RAB8B: variants seen among roughly 807,000 people sequenced by gnomAD.
The protein encoded by RAB8B is RAB8B, member RAS oncogene family, also known as ras-related protein Rab-8B.
In RAB8B, 11 loss-of-function variants were observed where a neutral mutation model predicts 32.0. That is an observed-to-expected ratio of 0.34 (90% CI 0.22 to 0.57). The LOEUF is 0.57. Ranked by LOEUF, RAB8B falls within the 20% of genes least tolerant of loss-of-function variation. RAB8B has a pLI of 0.86. For synonymous variants in RAB8B, 103 were observed against 89.6 expected, an observed-to-expected ratio of 1.15 and a Z score of -0.85; for missense variants, 190 against 258.5, an observed-to-expected ratio of 0.73 and a Z score of 1.82.
chr15:63,227,345 G>T (rs1404707729), intron 1 of RAB8B, among the ~76,000 whole-genome samples: 1 of 152,136 alleles, frequency 6.6e-6, no homozygotes, highest in African/African-American at 2.4e-5. Context: ...CAGAAATCCT[G>T]CCCCAGGCTT....
Position 63,202,911 on chromosome 15 carries a change from C to T in RAB8B, c.124+13163C>T, listed in dbSNP as rs76366425. 1.4e-3 allele frequency among the ~76,000 whole-genome samples: 206 copies of T among 152,346 alleles called. 1 individual carries two copies. In the East Asian group the frequency reaches 0.033, roughly 25 times the overall value. Reference sequence around the variant, plus strand: ...CCGAGCAACTCAGCTTTTTATATAACGAAGTCCACTTGCTAAAACGCATGA... The same window carrying T: ...CCGAGCAACTCAGCTTTTTATATAATGAAGTCCACTTGCTAAAACGCATGA... On this transcript the variant is annotated intron_variant, in intron 1 of 7. Coordinates refer to ENST00000321437, the MANE Select transcript of RAB8B (RefSeq NM_016530.3).
intron 1 of RAB8B, among the ~76,000 whole-genome samples, chr15:63,192,067 C>G (rs1188750739): frequency 6.6e-6 from 1 of 152,110 alleles, no homozygotes; most frequent in East Asian, 1.9e-4. Context: ...TTTATATTTT[C>G]TGTGAGGTGG....
intron 1 of RAB8B, among the ~76,000 whole-genome samples, chr15:63,212,673 G>A (rs2037757859): frequency 6.6e-6 from 1 of 152,168 alleles, no homozygotes; most frequent in African/African-American, 2.4e-5. Flanking sequence ...ATTTTTGTAC[G>A]TGATGAGGAG....
chr15:63,257,626 A>T (rs1381526454), intron 5 of RAB8B, among the ~76,000 whole-genome samples: 2 of 152,250 alleles, frequency 1.3e-5, no homozygotes, highest in African/African-American at 2.4e-5. Context: ...CCCTAAAAAC[A>T]TTTACTTAAT....
intron 1 of RAB8B, among the ~76,000 whole-genome samples, chr15:63,202,387 G>A (rs1047766930): frequency 1.3e-5 from 2 of 152,236 alleles, no homozygotes; most frequent in African/African-American, 4.8e-5. Context: ...CTGAGTAATA[G>A]CTAATGCAAA....
At chr15:63,249,540 C>A in intron 2 of RAB8B, 105 bp from the exon 3 acceptor site, 1 of 1,033,536 alleles carries the variant, frequency 9.7e-7, no homozygotes, top group East Asian at 2.6e-5. Context: ...CCTCTGTGAC[C>A]ACTGCACCCT....
chr15:63,237,119 G>T (rs905853378), intron 1 of RAB8B, among the ~76,000 whole-genome samples: 1 of 152,156 alleles, frequency 6.6e-6, no homozygotes, highest in Admixed American at 6.5e-5. Flanking sequence ...TTGTGTATAT[G>T]TACCACATTT....
chr15:63,256,712 A>G (rs2038161718), intron 5 of RAB8B, 118 bp downstream of exon 5: 3 of 722,134 alleles, frequency 4.2e-6, no homozygotes, highest in South Asian at 1.9e-5. Context: ...TTTAAATTGG[A>G]TATCAACAAC....
intron 2 of RAB8B, among the ~76,000 whole-genome samples, chr15:63,247,536 T>C (rs958255013): frequency 2.0e-5 from 3 of 152,256 alleles, no homozygotes; most frequent in African/African-American, 7.2e-5. Flanking sequence ...GTTTAATTTC[T>C]TTCAGTTCAG....
intron 1 of RAB8B, among the ~76,000 whole-genome samples, chr15:63,200,215 T>A (rs918459707): frequency 6.6e-6 from 1 of 152,334 alleles, no homozygotes; most frequent in East Asian, 1.9e-4. Context: ...GGATGAGGAT[T>A]CTTTGCACTG....
intron 1 of RAB8B, among the ~76,000 whole-genome samples, chr15:63,191,637 G>A (rs980207527): frequency 1.3e-5 from 2 of 152,196 alleles, no homozygotes; most frequent in African/African-American, 4.8e-5. Flanking sequence ...AATGCATACT[G>A]CAGTACAGAT....
chr15:63,211,399 C>T (rs2037745426), intron 1 of RAB8B, among the ~76,000 whole-genome samples: 1 of 152,152 alleles, frequency 6.6e-6, no homozygotes, highest in African/African-American at 2.4e-5. Context: ...TAACTGTGTT[C>T]TACCCCAGAC....
intron 2 of RAB8B, among the ~76,000 whole-genome samples, chr15:63,246,209 C>T (rs181226382): frequency 1.3e-5 from 2 of 152,338 alleles, no homozygotes; most frequent in Admixed American, 6.5e-5. Flanking sequence ...TGTATGTCTA[C>T]ATTTTGACTG....
At chr15:63,216,136 T>C (rs1007761443) in intron 1 of RAB8B, among the ~76,000 whole-genome samples, 3 of 151,944 alleles carry the variant, frequency 2.0e-5, no homozygotes, top group Admixed American at 1.3e-4. Flanking sequence ...TTTTCATATA[T>C]ATTATCTACT....
intron 1 of RAB8B, among the ~76,000 whole-genome samples, chr15:63,234,177 C>T (rs2037959083): frequency 6.6e-6 from 1 of 152,070 alleles, no homozygotes; most frequent in Non-Finnish European, 1.5e-5. Context: ...GCTGCAGCAC[C>T]CACCGGCCAA....
At chr15:63,224,000 G>C in intron 1 of RAB8B, 1 of 229,242 alleles carries the variant, frequency 4.4e-6, no homozygotes, top group African/African-American at 2.2e-5. Flanking sequence ...CATTCTCTCC[G>C]TGTGGAGATA....
At position 63,225,886 on chromosome 15, in the gene RAB8B, G is replaced by C. The variant is rs144375280; in HGVS notation, c.125-18870G>C. ...AAGAGGGTCTCGCTCTGTCACCCAG[G>C]ATGGAGTGCAGTGGCGTGATCATAG... On this transcript the variant is annotated intron_variant, in intron 1 of 7. Transcript: ENST00000321437. Among the ~76,000 whole-genome samples the C allele has an allele frequency of 1.0e-3, 156 of 152,084 alleles. 1 individual carries two copies. The highest frequency in any genetic ancestry group is 8.5e-3 in the East Asian group (44 of 5,172).
chr15:63,260,279 C>G (rs916006958), intron 6 of RAB8B, among the ~76,000 whole-genome samples: 15 of 152,196 alleles, frequency 9.9e-5, no homozygotes, highest in Non-Finnish European at 2.2e-4. Context: ...AAATCCTGGA[C>G]TAGAAGACCA....
intron 1 of RAB8B, among the ~76,000 whole-genome samples, chr15:63,231,656 G>A (rs13313493): frequency 6.6e-6 from 1 of 151,912 alleles, no homozygotes; most frequent in African/African-American, 2.4e-5. Flanking sequence ...TGCTACAAAG[G>A]TACACTTTAT....
Sources: gnomAD v4.1 joint callset for allele counts (sites outside exome capture counted in the v4.1 genomes callset) on GRCh38, gnomAD v4.1.1 for gene constraint, MANE v1.5 for transcripts, NCBI Gene and HGNC (gene_info 2026-07-23, HGNC 2026-07-21) for gene names.